The following CTNND2 variants were observed in gnomAD, a reference collection of about 807,000 sequenced individuals.
CTNND2 encodes the protein catenin delta 2.
CTNND2 carries 22 observed loss-of-function variants against 144.4 expected under a neutral mutation model. The observed-to-expected ratio is 0.15, with a 90% confidence interval of 0.11 to 0.22. The LOEUF (loss-of-function observed/expected upper bound fraction) is 0.22, where lower values mean the gene tolerates loss of function less well. CTNND2 is among the 10% of genes least tolerant of loss of function. The pLI is 1.00. For missense variants in CTNND2, 1,353 were observed against 1,618.8 expected (o/e 0.84, Z 2.82); for synonymous variants, 751 against 695.6 (o/e 1.08, Z -1.25).
chr5:11,338,726 T>C (rs1753959759), intron 9 of CTNND2, among the ~76,000 whole-genome samples: 2 of 152,174 alleles, frequency 1.3e-5, no homozygotes, highest in Non-Finnish European at 2.9e-5. Flanking sequence ...TGGAATGCAA[T>C]TGTTTATTAT....
At chr5:11,901,845 G>A (rs1326698322) in intron 1 of CTNND2, among the ~76,000 whole-genome samples, 4 of 152,148 alleles carry the variant, frequency 2.6e-5, no homozygotes, top group African/African-American at 9.7e-5. Flanking sequence ...TAAAAATCAT[G>A]TTTAAGAATG....
In CTNND2 at chr5:11,318,572, A is replaced by C. The variant is rs568582456; in HGVS notation, c.1628+27800T>G. Reference sequence around the variant, plus strand: ...ATTTCTTTTCTCAGTGAGAAAACAAAAAGTCACCCTCTCCTCACCAGATCC... The same window carrying C: ...ATTTCTTTTCTCAGTGAGAAAACAACAAGTCACCCTCTCCTCACCAGATCC... On this transcript the variant is annotated intron_variant, in intron 9 of 21. Coordinates refer to ENST00000304623, the MANE Select transcript of CTNND2 (RefSeq NM_001332.4). Among the ~76,000 whole-genome samples the C allele has an allele frequency of 7.9e-5, 12 of 152,210 alleles. No individual in the cohort carries two copies. The South Asian group carries it at 2.5e-3, about 32-fold the overall frequency.
intron 1 of CTNND2, among the ~76,000 whole-genome samples, chr5:11,785,607 T>G (rs1465035354): frequency 6.6e-6 from 1 of 151,890 alleles, no homozygotes; most frequent in Non-Finnish European, 1.5e-5. Flanking sequence ...AAAAGGAAAG[T>G]GTAAGACAGA....
chr5:11,856,219 A>AT (rs1216331909), intron 1 of CTNND2, among the ~76,000 whole-genome samples: 1 of 152,150 alleles, frequency 6.6e-6, no homozygotes, highest in East Asian at 1.9e-4. Context: ...AGCAAAATAT[A>AT]TTTTCTGCTT....
chr5:11,192,017 GATAAC>G (rs1736300199), intron 11 of CTNND2, among the ~76,000 whole-genome samples: 1 of 152,138 alleles, frequency 6.6e-6, no homozygotes, highest in Non-Finnish European at 1.5e-5. Flanking sequence ...GTCTAATCCT[GATAAC>G]AAGTCCCCCT....
At position 11,878,235 on chromosome 5, in the gene CTNND2, A is replaced by G. The variant is rs969529429; in HGVS notation, c.37+25582T>C. ...ATTAACAAATGTGGTATACAATTTTATATATAAATAACTCCATTATAAATA... is the reference window on the plus strand; with the variant it reads ...ATTAACAAATGTGGTATACAATTTTGTATATAAATAACTCCATTATAAATA... On this transcript the variant is annotated intron_variant, in intron 1 of 21. Transcript: ENST00000304623. 3.9e-5 allele frequency among the ~76,000 whole-genome samples: 6 copies of G among 152,330 alleles called. No homozygotes were observed. The South Asian group carries it at 6.2e-4, about 16-fold the overall frequency.
intron 2 of CTNND2, among the ~76,000 whole-genome samples, chr5:11,704,968 G>A (rs1227070119): frequency 2.0e-5 from 3 of 151,534 alleles, no homozygotes; most frequent in Non-Finnish European, 4.4e-5. Context: ...CAAGCAGAAG[G>A]CAGATTTTGC....
chr5:11,213,562 C>T (rs1338058001), intron 10 of CTNND2, among the ~76,000 whole-genome samples: 4 of 152,092 alleles, frequency 2.6e-5, no homozygotes, highest in Non-Finnish European at 4.4e-5. Context: ...ATTGATATGA[C>T]ACTTGGATCT....
In CTNND2 at chr5:11,375,748, C is replaced by G. The variant is rs16901548; in HGVS notation, c.1177+8917G>C. Among the ~76,000 whole-genome samples, 1,317 of 152,208 alleles carry G rather than the reference C, an allele frequency of 8.7e-3. 17 individuals carry two copies. Among genetic ancestry groups the G allele is most frequent in the African/African-American group, 0.029 (1,207 of 41,518 alleles). ...TTAAACAACCAACTGGTTTTGTACC[C>G]TAGTGATGTTAGTGATGCTTTCTAG... is the stretch of plus-strand genomic sequence containing the variant. On this transcript the variant is annotated intron_variant, in intron 7 of 21. Coordinates refer to ENST00000304623, the MANE Select transcript of CTNND2 (RefSeq NM_001332.4).
chr5:11,804,230 G>C (rs1435765716), intron 1 of CTNND2, among the ~76,000 whole-genome samples: 9 of 152,088 alleles, frequency 5.9e-5, no homozygotes, highest in Admixed American at 5.9e-4. Context: ...AGCACAACAG[G>C]CCCTCTCATT....
intron 2 of CTNND2, among the ~76,000 whole-genome samples, chr5:11,713,130 T>A (rs775463483): frequency 2.4e-4 from 37 of 152,204 alleles, no homozygotes; most frequent in Non-Finnish European, 4.9e-4. Flanking sequence ...CTAAATACAG[T>A]CAGCAATTTA....
intron 3 of CTNND2, among the ~76,000 whole-genome samples, chr5:11,435,995 C>T (rs552627479): frequency 2.0e-5 from 3 of 151,882 alleles, no homozygotes; most frequent in South Asian, 2.1e-4. Flanking sequence ...TAACTAGGAG[C>T]GTTGAGATAA....
chr5:11,436,506 T>C (rs1763789208), intron 3 of CTNND2, among the ~76,000 whole-genome samples: 1 of 152,226 alleles, frequency 6.6e-6, no homozygotes, highest in Non-Finnish European at 1.5e-5. Context: ...GCACAGTATT[T>C]TGAAGTATTT....
chr5:11,028,332 T>C (rs1022843380), intron 16 of CTNND2, among the ~76,000 whole-genome samples: 4 of 152,208 alleles, frequency 2.6e-5, no homozygotes, highest in Non-Finnish European at 5.9e-5. Flanking sequence ...CTGTGGGTTT[T>C]TGCTGAGGTG....
At chr5:11,699,669 A>C (rs76590268) in intron 2 of CTNND2, among the ~76,000 whole-genome samples, 3,354 of 152,314 alleles carry the variant, frequency 0.022, 46 homozygotes, top group East Asian at 0.057. Flanking sequence ...AAAATACTGT[A>C]GCCCAACTCT....
intron 16 of CTNND2, among the ~76,000 whole-genome samples, chr5:11,050,854 C>G (rs1745757820): frequency 6.6e-6 from 1 of 152,194 alleles, no homozygotes; most frequent in South Asian, 2.1e-4. Context: ...GGCATACACC[C>G]CAACCAATCA....
At chr5:11,642,336 T>C (rs898738283) in intron 2 of CTNND2, among the ~76,000 whole-genome samples, 1 of 152,180 alleles carries the variant, frequency 6.6e-6, no homozygotes, top group South Asian at 2.1e-4. Context: ...ATGTATTTTG[T>C]TGGAAGATGG....
chr5:11,380,328 G>C (rs1262499619), intron 7 of CTNND2, among the ~76,000 whole-genome samples: 1 of 152,144 alleles, frequency 6.6e-6, no homozygotes, highest in Non-Finnish European at 1.5e-5. Context: ...GCACACCCAA[G>C]GTAGTGTGGT....
At chr5:11,770,007 CA>C (rs1789824580) in intron 1 of CTNND2, among the ~76,000 whole-genome samples, 1 of 152,028 alleles carries the variant, frequency 6.6e-6, no homozygotes, top group African/African-American at 2.4e-5. Context: ...TGGAAGAATT[CA>C]GGGGGAAAGT....
Sources: gnomAD v4.1 joint callset for allele counts (sites outside exome capture counted in the v4.1 genomes callset) on GRCh38, gnomAD v4.1.1 for gene constraint, MANE v1.5 for transcripts, NCBI Gene and HGNC (gene_info 2026-07-23, HGNC 2026-07-21) for gene names.